Variants in HYDIN observed in about 807,000 individuals in gnomAD.
HYDIN encodes HYDIN axonemal central pair apparatus protein, also known as axonemal central pair apparatus protein HYDIN.
HYDIN carries 132 observed loss-of-function variants against 403.9 expected under a neutral mutation model. The observed-to-expected ratio is 0.33, with a 90% CI of 0.28 to 0.38. The LOEUF (loss-of-function observed/expected upper bound fraction) is 0.38, where lower values mean the gene tolerates loss of function less well. Among genes scored for constraint, HYDIN ranks in the 10% least tolerant of loss-of-function variants. The pLI is 1.00. For missense variants in HYDIN, 2,827 were observed against 5,009.5 expected, an observed-to-expected ratio of 0.56 and a Z score of 13.15; for synonymous variants, 1,202 against 1,891.7, an observed-to-expected ratio of 0.64 and a Z score of 9.46.
chr16:71,164,044 AAATAGC>A (rs1241011251), intron 5 of HYDIN, among the ~76,000 whole-genome samples: 1 of 147,306 alleles, frequency 6.8e-6, no homozygotes, highest in African/African-American at 2.5e-5. Context: ...CATAAGATAG[AAATAGC>A]ATATTTGCCT....
chr16:70,908,167 G>A (rs1443556317), intron 49 of HYDIN, 85 bp downstream of exon 49: 4 of 1,206,274 alleles, frequency 3.3e-6, no homozygotes, highest in Non-Finnish European at 4.7e-6. Flanking sequence ...TCCACGTTAT[G>A]GTAAGAGCCA....
At chr16:71,143,398 T>G (rs1423992346) in intron 7 of HYDIN, among the ~76,000 whole-genome samples, 3 of 152,064 alleles carry the variant, frequency 2.0e-5, no homozygotes, top group Non-Finnish European at 4.4e-5. Flanking sequence ...ACCTGCTAAT[T>G]TGCAAGTCTT....
chr16:70,922,454 C>T (rs796901495), intron 45 of HYDIN, among the ~76,000 whole-genome samples: 1 of 152,208 alleles, frequency 6.6e-6, no homozygotes, highest in Non-Finnish European at 1.5e-5. Flanking sequence ...AGAAAATACA[C>T]ACACTATTCA....
intron 1 of HYDIN, among the ~76,000 whole-genome samples, chr16:71,195,724 T>C (rs1349580837): frequency 6.6e-6 from 1 of 152,216 alleles, no homozygotes; most frequent in African/African-American, 2.4e-5. Context: ...ACAATCTGTC[T>C]CTGCAGGATA....
intron 18 of HYDIN, among the ~76,000 whole-genome samples, chr16:71,046,794 A>G (rs1387023814): frequency 1.3e-5 from 2 of 152,222 alleles, no homozygotes; most frequent in African/African-American, 4.8e-5. Context: ...TTCATTACAT[A>G]AAAACATTTA....
Position 70,807,535 on chromosome 16 carries a change from A to G in HYDIN, c.*45T>C, listed in dbSNP as rs763209336. On this transcript the variant is annotated 3_prime_UTR_variant, in exon 86 of 86. Transcript: ENST00000393567. The stretch of plus-strand genomic sequence containing the variant: ...GTTTTCTCTATTCTTTTTCAGGCTA[A>G]GACAATGCATAGCTTTTGGTTGATA... The G allele has an allele frequency of 6.5e-7, 1 of 1,542,456 alleles. No homozygotes were observed. The highest frequency in any genetic ancestry group is 2.0e-5 in the Admixed American group (1 of 49,482).
chr16:71,171,663 T>C (rs1276609774), intron 5 of HYDIN, among the ~76,000 whole-genome samples: 1 of 152,198 alleles, frequency 6.6e-6, no homozygotes, highest in African/African-American at 2.4e-5. Flanking sequence ...TCTGGAAATA[T>C]GAAACAAAAT....
Position 70,806,124 on chromosome 16 carries a change from G to C in HYDIN, c.*1456C>G, listed in dbSNP as rs1567629971. On this transcript the variant is annotated 3_prime_UTR_variant, in exon 86 of 86. Coordinates refer to ENST00000393567, the MANE Select transcript of HYDIN (RefSeq NM_001270974.2). ...ATAATGGCCCCAAAGCACATGGGTA[G>C]TGATGCTGGCATATTATTATAATTA... 6.6e-6 allele frequency among the ~76,000 whole-genome samples: 1 copy of C among 152,184 alleles called. No homozygotes were observed. Among genetic ancestry groups the C allele is most frequent in the Admixed American group, 6.5e-5 (1 of 15,288 alleles).
chr16:70,899,053 T>A (rs1259758512), intron 53 of HYDIN, among the ~76,000 whole-genome samples: 7 of 151,084 alleles, frequency 4.6e-5, no homozygotes. Context: ...TTACAGGCGT[T>A]AGCCACCATG....
intron 50 of HYDIN, among the ~76,000 whole-genome samples, chr16:70,904,562 G>T (rs530322547): frequency 1.3e-5 from 1 of 75,026 alleles, no homozygotes; most frequent in Non-Finnish European, 2.4e-5. Flanking sequence ...GTGCAGTGGC[G>T]CAATCTCAGC....
At chr16:71,052,438 T>A (rs1278135903) in intron 18 of HYDIN, among the ~76,000 whole-genome samples, 1 of 151,880 alleles carries the variant, frequency 6.6e-6, no homozygotes, top group Non-Finnish European at 1.5e-5. Flanking sequence ...GCTTTCTTCA[T>A]GAAAAAAATA....
chr16:70,926,157 C>T lies in HYDIN; in HGVS notation c.7159-4940G>A, dbSNP rs540175179. Among the ~76,000 whole-genome samples the T allele has an allele frequency of 9.7e-5, 14 of 144,962 alleles. No homozygotes were observed. In the East Asian group the frequency reaches 9.9e-4, roughly 10 times the overall value. On this transcript the variant is annotated intron_variant, in intron 45 of 85. Coordinates refer to ENST00000393567, the MANE Select transcript of HYDIN (RefSeq NM_001270974.2). The stretch of plus-strand genomic sequence containing the variant: ...AATCATACTGCTATAACGACACATG[C>T]GCATGTATGTTTATTGCGGCACTAT...
chr16:71,222,620 C>T (rs994806122), intron 1 of HYDIN, among the ~76,000 whole-genome samples: 46 of 152,006 alleles, frequency 3.0e-4, no homozygotes, highest in African/African-American at 1.1e-3. Context: ...ATCTGATGAA[C>T]GAATTCAGTA....
chr16:71,203,387 G>C (rs964864208), intron 1 of HYDIN, among the ~76,000 whole-genome samples: 1 of 152,074 alleles, frequency 6.6e-6, no homozygotes, highest in Non-Finnish European at 1.5e-5. Flanking sequence ...TATATTTGTA[G>C]GCATCATACA....
intron 12 of HYDIN, among the ~76,000 whole-genome samples, chr16:71,082,239 T>A (rs995888881): frequency 2.0e-5 from 3 of 152,156 alleles, no homozygotes; most frequent in Non-Finnish European, 4.4e-5. Context: ...TGAGAACAGA[T>A]GATGTATTAT....
intron 12 of HYDIN, 161 bp from the exon 13 acceptor site, chr16:71,080,113 G>A (rs990004824): frequency 2.0e-6 from 1 of 503,068 alleles, no homozygotes; most frequent in African/African-American, 1.9e-5. Context: ...GTCTATCACA[G>A]TGGTTCTTAA....
intron 28 of HYDIN, among the ~76,000 whole-genome samples, chr16:70,984,448 C>T (rs1480315330): frequency 8.0e-6 from 1 of 125,686 alleles, no homozygotes; most frequent in Non-Finnish European, 1.7e-5. Flanking sequence ...GAAAAAAAAC[C>T]AAAAGGGGAG....
intron 52 of HYDIN, 106 bp from the exon 53 acceptor site, chr16:70,901,308 T>C (rs2076370817): frequency 1.5e-6 from 1 of 675,896 alleles, no homozygotes; most frequent in East Asian, 2.7e-5. Context: ...GCAGGTTTGT[T>C]GTATAGGTAA....
chr16:71,003,848 C>T (rs1220333274), intron 23 of HYDIN, among the ~76,000 whole-genome samples: 3 of 151,688 alleles, frequency 2.0e-5, no homozygotes, highest in Non-Finnish European at 4.4e-5. Context: ...TCAATCCATC[C>T]TCCTCACTCG....
Sources: allele counts gnomAD v4.1 joint callset (sites outside exome capture counted in the v4.1 genomes callset), GRCh38; gene constraint gnomAD v4.1.1; transcripts MANE v1.5; gene names NCBI Gene and HGNC (gene_info 2026-07-23, HGNC 2026-07-21).